Variants in FRMPD4 observed in about 807,000 individuals in gnomAD.
FRMPD4 encodes the protein FERM and PDZ domain containing 4.
A neutral mutation model predicts 94.1 loss-of-function variants in FRMPD4; 22 were observed. The observed-to-expected ratio is 0.23, with a 90% CI of 0.17 to 0.33. The LOEUF is 0.33. Among genes scored for constraint, FRMPD4 ranks in the 10% least tolerant of loss-of-function variants. The probability of loss-of-function intolerance (pLI) is 1.00; values close to 1 mark genes in which losing one functional copy is unlikely to be tolerated. For missense variants in FRMPD4, 1,111 were observed against 1,339.9 expected (o/e 0.83, Z 2.67); for synonymous variants, 631 against 548.6 (o/e 1.15, Z -2.10).
rs762261789 is a variant in FRMPD4, at chrX:12,589,154, G to T, written c.159-20567G>T. Reference sequence around the variant, plus strand: ...ATTTTAGTGTCACTAATATTTGATAGATTTGAGTCTTAGAGCCTTTGAAAA... The same window carrying T: ...ATTTTAGTGTCACTAATATTTGATATATTTGAGTCTTAGAGCCTTTGAAAA... On this transcript the variant is annotated intron_variant, in intron 2 of 16. Coordinates refer to ENST00000675598, the MANE Select transcript of FRMPD4 (RefSeq NM_001368397.1). 2.7e-5 allele frequency among the ~76,000 whole-genome samples: 3 copies of T among 112,289 alleles called. No individual in the cohort carries two copies. In the South Asian group the frequency reaches 1.1e-3, roughly 41 times the overall value.
intron 3 of FRMPD4, among the ~76,000 whole-genome samples, chrX:11,964,163 T>C (rs2054298059): frequency 9.2e-6 from 1 of 109,228 alleles, no homozygotes; most frequent in African/African-American, 3.4e-5. Context: ...TTTGTTGTTG[T>C]TGTTGTTGTT....
rs150332772 is a variant in FRMPD4 at position 12,548,887 on chromosome X, A to G, written c.158+50091A>G. 1.9e-3 allele frequency among the ~76,000 whole-genome samples: 208 copies of G among 111,532 alleles called. 2 individuals are homozygous for G. The East Asian group carries it at 0.032, about 17-fold the overall frequency. On this transcript the variant is annotated intron_variant, in intron 2 of 16. Coordinates refer to ENST00000675598, the MANE Select transcript of FRMPD4 (RefSeq NM_001368397.1). ...AAATCTAGGCTGGTGAAGGAAGCCA[A>G]TAGGGCCCAAATAGCTAATGGGGCT...
At chrX:12,282,540 G>A (rs2054541850) in intron 1 of FRMPD4, among the ~76,000 whole-genome samples, 1 of 112,000 alleles carries the variant, frequency 8.9e-6, no homozygotes. Flanking sequence ...CGTGGCAGCT[G>A]CAGCCAAAGT....
intron 1 of FRMPD4, among the ~76,000 whole-genome samples, chrX:12,481,942 CA>C (rs56366427): frequency 0.015 from 172 of 11,529 alleles, no homozygotes; most frequent in African/African-American, 0.026. Flanking sequence ...GACTACATCT[CA>C]AAAAAAAAAA....
At chrX:12,443,013 G>A (rs557359490) in intron 1 of FRMPD4, among the ~76,000 whole-genome samples, 12 of 111,677 alleles carry the variant, frequency 1.1e-4, no homozygotes, top group South Asian at 3.8e-4. Flanking sequence ...TTATTTGTTC[G>A]AAATATCCAG....
In FRMPD4 at chrX:12,127,073, G is replaced by A. The variant is rs185025458; in HGVS notation, c.95+249055G>A. On this transcript the variant is annotated intron_variant, in intron 3 of 18. Transcript: ENST00000640291. ...AATTCATTTGTCCCTTATATCCTTA[G>A]TTTCTCTCCAACTCAGGGAATGCAC... Among the ~76,000 whole-genome samples the A allele has an allele frequency of 2.6e-3, 293 of 111,901 alleles. 2 individuals carry two copies. The highest frequency in any genetic ancestry group is 3.0e-3 in the Non-Finnish European group (157 of 53,191).
intron 3 of FRMPD4, among the ~76,000 whole-genome samples, chrX:11,990,511 G>GA (rs2054458038): frequency 8.9e-6 from 1 of 112,202 alleles, no homozygotes; most frequent in Non-Finnish European, 1.9e-5. Context: ...CAGGAAAACT[G>GA]AAAGTATAGA....
chrX:12,469,310 C>T (rs769501531), intron 1 of FRMPD4, among the ~76,000 whole-genome samples: 4 of 111,062 alleles, frequency 3.6e-5, no homozygotes, highest in Non-Finnish European at 7.5e-5. Flanking sequence ...AGTGCAATGG[C>T]GCGATCTCAG....
chrX:12,662,543 A>G (rs766766073), intron 4 of FRMPD4, among the ~76,000 whole-genome samples: 1 of 111,947 alleles, frequency 8.9e-6, no homozygotes, highest in East Asian at 2.8e-4. Flanking sequence ...ATCCTTTTTT[A>G]TGGCTGCATA....
intron 2 of FRMPD4, among the ~76,000 whole-genome samples, chrX:12,591,204 A>G (rs2058979823): frequency 8.9e-6 from 1 of 112,443 alleles, no homozygotes; most frequent in Non-Finnish European, 1.9e-5. Context: ...TATATGTGTT[A>G]TATACTGTGT....
At chrX:12,715,902 C>T (rs2042068620) in intron 14 of FRMPD4, among the ~76,000 whole-genome samples, 167 bp from the exon 15 acceptor site, 1 of 111,726 alleles carries the variant, frequency 9.0e-6, no homozygotes, top group Non-Finnish European at 1.9e-5. Flanking sequence ...ATTCTTACAC[C>T]TGAAGCCTAA....
intron 4 of FRMPD4, among the ~76,000 whole-genome samples, chrX:12,667,321 C>T (rs62590592): frequency 0.33 from 36,936 of 111,002 alleles, 4,785 homozygotes; most frequent in Non-Finnish European, 0.41. Flanking sequence ...TATCTTCCTA[C>T]ATATCTTTGT....
chrX:12,189,464 A>G (rs1239123551), intron 1 of FRMPD4, among the ~76,000 whole-genome samples: 1 of 111,658 alleles, frequency 9.0e-6, no homozygotes, highest in Non-Finnish European at 1.9e-5. Context: ...GACATTAGAA[A>G]AAAACTACAG....
intron 1 of FRMPD4, among the ~76,000 whole-genome samples, chrX:12,240,139 G>A (rs747337460): frequency 8.2e-4 from 92 of 112,630 alleles, no homozygotes; most frequent in Admixed American, 1.1e-3. Flanking sequence ...GCTCATTTGT[G>A]TACTTATTGT....
intron 1 of FRMPD4, among the ~76,000 whole-genome samples, chrX:12,241,484 A>G (rs1364110437): frequency 8.9e-6 from 1 of 112,387 alleles, no homozygotes. Context: ...TTTCATGTAG[A>G]GTTATTATCT....
chrX:11,906,831 C>T (rs1222358616), intron 3 of FRMPD4, among the ~76,000 whole-genome samples: 1 of 110,949 alleles, frequency 9.0e-6, no homozygotes, highest in Non-Finnish European at 1.9e-5. Context: ...TCTTCTAGCA[C>T]TCCCATTACA....
intron 1 of FRMPD4, among the ~76,000 whole-genome samples, chrX:12,419,112 G>T (rs1363484740): frequency 9.0e-6 from 1 of 111,666 alleles, no homozygotes; most frequent in Non-Finnish European, 1.9e-5. Flanking sequence ...CCTGTATCAT[G>T]ATACTATCTT....
At chrX:12,537,170 T>C (rs1272334695) in intron 2 of FRMPD4, among the ~76,000 whole-genome samples, 3 of 111,539 alleles carry the variant, frequency 2.7e-5, no homozygotes, top group Non-Finnish European at 5.6e-5. Flanking sequence ...TGATATAAAG[T>C]CTTTGTGTGT....
intron 1 of FRMPD4, among the ~76,000 whole-genome samples, chrX:12,400,818 C>T (rs143031373): frequency 1.8e-5 from 2 of 112,079 alleles, no homozygotes; most frequent in African/African-American, 6.5e-5. Context: ...GATTTGAAGA[C>T]AACACTTGGA....
Sources: allele counts gnomAD v4.1 joint callset (sites outside exome capture counted in the v4.1 genomes callset), GRCh38; gene constraint gnomAD v4.1.1; transcripts MANE v1.5; gene names NCBI Gene and HGNC (gene_info 2026-07-23, HGNC 2026-07-21).